The following JAKMIP1 variants were observed in gnomAD, a reference collection of about 807,000 sequenced individuals.
JAKMIP1 encodes janus kinase and microtubule interacting protein 1.
JAKMIP1 carries 33 observed loss-of-function variants against 113.0 expected under a neutral mutation model. The ratio of observed to expected loss-of-function variants is 0.29; its 90% CI spans 0.22 to 0.39. The LOEUF is 0.39. Ranked by LOEUF, JAKMIP1 falls within the 10% of genes least tolerant of loss-of-function variation. JAKMIP1 has a pLI of 1.00. For synonymous variants in JAKMIP1, 480 were observed against 459.9 expected (o/e 1.04, Z -0.56); for missense variants, 813 against 1,080.5 (o/e 0.75, Z 3.47).
At chr4:6,160,986 TCCCTGACCTCCATTC>T (rs1722850510) in intron 1 of JAKMIP1, among the ~76,000 whole-genome samples, 1 of 132,516 alleles carries the variant, frequency 7.5e-6, no homozygotes. Flanking sequence ...TCCACTCACC[TCCCTGACCTCCATTC>T]ATCTGCCCTC....
At chr4:6,046,292 G>A (rs1463241787) in intron 16 of JAKMIP1, among the ~76,000 whole-genome samples, 3 of 152,236 alleles carry the variant, frequency 2.0e-5, no homozygotes, top group Non-Finnish European at 4.4e-5. Context: ...CAAGCTGGGA[G>A]GAGACGAGCG....
At chr4:6,058,266 C>T (rs1716765809) in intron 11 of JAKMIP1, among the ~76,000 whole-genome samples, 1 of 152,226 alleles carries the variant, frequency 6.6e-6, no homozygotes, top group South Asian at 2.1e-4. Flanking sequence ...AAGAATAAAT[C>T]ATAAGTGTTA....
chr4:6,199,565 G>A lies in JAKMIP1; in HGVS notation c.-148+688C>T, dbSNP rs1286129158. On this transcript the variant is annotated intron_variant, in intron 1 of 20. Transcript: ENST00000409021. The surrounding 1 kb of genome is among the most constrained non-coding windows in gnomAD (Gnocchi z 5.6). The stretch of plus-strand genomic sequence containing the variant: ...CCGGAGGCCAGTGCGCCCAGGGCGC[G>A]CCGGCCCGGCAGGAGGGTGGGTGCC... Among the ~76,000 whole-genome samples, 1 of 152,086 alleles carries A rather than the reference G, an allele frequency of 6.6e-6. No individual in the cohort carries two copies. The highest frequency in any genetic ancestry group is 1.5e-5 in the Non-Finnish European group (1 of 67,964).
At chr4:6,110,094 G>A (rs1560202019) in intron 2 of JAKMIP1, among the ~76,000 whole-genome samples, 1 of 152,286 alleles carries the variant, frequency 6.6e-6, no homozygotes, top group East Asian at 1.9e-4. Flanking sequence ...TACTGTGCTG[G>A]CCTCGTGTGT....
Position 6,116,918 on chromosome 4 carries a change from TG to T in JAKMIP1, c.-147-3922del, listed in dbSNP as rs1329719360. On this transcript the variant is annotated intron_variant, in intron 1 of 20. Transcript: ENST00000409021. The surrounding 1 kb of genome is among the most constrained non-coding windows in gnomAD (Gnocchi z 5.1). ...GGGGAGGGCAAACTGCCAGACCACG[TG>T]GGGGTTCTACACCAAGCACAGAGTC... is the stretch of plus-strand genomic sequence containing the variant. Among the ~76,000 whole-genome samples the T allele has an allele frequency of 6.6e-6, 1 of 151,982 alleles. No homozygotes were observed. Among genetic ancestry groups the T allele is most frequent in the Non-Finnish European group, 1.5e-5 (1 of 67,986 alleles).
intron 8 of JAKMIP1, among the ~76,000 whole-genome samples, chr4:6,068,558 C>CT (rs35726105): frequency 0.82 from 111,586 of 136,326 alleles, 47,801 homozygotes; most frequent in East Asian, 0.95. Context: ...AATTTTTTAA[C>CT]TTTTTTTTTT....
chr4:6,173,323 G>A (rs1474180698), intron 1 of JAKMIP1, among the ~76,000 whole-genome samples: 1 of 152,164 alleles, frequency 6.6e-6, no homozygotes, highest in Non-Finnish European at 1.5e-5. Flanking sequence ...AAATTTGAAG[G>A]AAAATTGGTC....
chr4:6,046,929 A>C (rs1486821395), intron 16 of JAKMIP1, among the ~76,000 whole-genome samples: 1 of 152,172 alleles, frequency 6.6e-6, no homozygotes, highest in African/African-American at 2.4e-5. Context: ...CCCAGGACGA[A>C]CCAGCCACCC....
chr4:6,080,640 G>C lies in JAKMIP1; in HGVS notation c.1102-328C>G, dbSNP rs1720372623. Among the ~76,000 whole-genome samples the C allele has an allele frequency of 6.6e-6, 1 of 152,126 alleles. No individual in the cohort carries two copies. Among genetic ancestry groups the C allele is most frequent in the Admixed American group, 6.5e-5 (1 of 15,274 alleles). ...TTTTACTTGGCTCTCAGTCTGTCTT[G>C]TCTGCCGCCAAGTAAGATGTGCCTT... On this transcript the variant is annotated intron_variant, in intron 6 of 20. Coordinates refer to ENST00000409021, the MANE Select transcript of JAKMIP1 (RefSeq NM_001099433.2). The surrounding 1 kb of genome is among the most constrained non-coding windows in gnomAD (Gnocchi z 6.0).
chr4:6,118,777 G>A (rs1305911333), intron 1 of JAKMIP1, among the ~76,000 whole-genome samples: 1 of 152,132 alleles, frequency 6.6e-6, no homozygotes, highest in African/African-American at 2.4e-5. Flanking sequence ...GCCAGCTTCT[G>A]GCCAATGAGG....
chr4:6,134,579 C>T (rs1718966296), intron 1 of JAKMIP1, among the ~76,000 whole-genome samples: 1 of 152,204 alleles, frequency 6.6e-6, no homozygotes, highest in Non-Finnish European at 1.5e-5. Context: ...GTTCCTCAAG[C>T]TTCCCTGTCT....
In JAKMIP1 at chr4:6,093,770, G is replaced by A. The variant is rs1000940959; in HGVS notation, c.625-8141C>T. Among the ~76,000 whole-genome samples, 9 of 152,280 alleles carry A rather than the reference G, an allele frequency of 5.9e-5. No individual in the cohort carries two copies. The highest frequency in any genetic ancestry group is 3.4e-3 in the Middle Eastern group (1 of 294). On this transcript the variant is annotated intron_variant, in intron 3 of 20. Transcript: ENST00000409021. The surrounding 1 kb of genome is among the most constrained non-coding windows in gnomAD (Gnocchi z 4.6). ...GAGGAATGATGCTTACTTGGGAAGA[G>A]GTCACTTTCCTCAAAGAAGGAGCCA... is the stretch of plus-strand genomic sequence containing the variant.
chr4:6,107,603 G>A (rs1410858356), intron 2 of JAKMIP1, among the ~76,000 whole-genome samples: 1 of 152,204 alleles, frequency 6.6e-6, no homozygotes, highest in Non-Finnish European at 1.5e-5. Context: ...AAGGAACTCT[G>A]CCTCCCGGCT....
intron 19 of JAKMIP1, 141 bp downstream of exon 19, chr4:6,035,763 C>A (rs1713337866): frequency 1.3e-5 from 9 of 713,440 alleles, no homozygotes; most frequent in Non-Finnish European, 2.0e-5. Context: ...TCTATGAAAT[C>A]TTGCTTCTTG....
intron 1 of JAKMIP1, among the ~76,000 whole-genome samples, chr4:6,169,603 T>TGTGTGTGTG (rs201784962): frequency 0.019 from 2,657 of 137,348 alleles, 47 homozygotes; most frequent in African/African-American, 0.049. Context: ...CCCTAGGAAA[T>TGTGTGTGTG]TGTGTGTGTG....
At chr4:6,045,645 G>A (rs1352074168) in intron 16 of JAKMIP1, among the ~76,000 whole-genome samples, 1 of 152,222 alleles carries the variant, frequency 6.6e-6, no homozygotes, top group Non-Finnish European at 1.5e-5. Context: ...GGCCAAGGCG[G>A]GTAGATCACT....
In JAKMIP1 at chr4:6,086,391, A is replaced by G. The variant is rs895244480; in HGVS notation, c.625-762T>C. 6.6e-6 allele frequency among the ~76,000 whole-genome samples: 1 copy of G among 150,610 alleles called. No individual in the cohort carries two copies. Among genetic ancestry groups the G allele is most frequent in the African/African-American group, 2.4e-5 (1 of 40,844 alleles). ...CCCTGGCTTCTCTCTGAGCTCCACA[A>G]TCACAGAACCAGCTGGCTGCCTGAC... On this transcript the variant is annotated intron_variant, in intron 3 of 20. Transcript: ENST00000409021. The surrounding 1 kb of genome is among the most constrained non-coding windows in gnomAD (Gnocchi z 4.1).
In JAKMIP1 at chr4:6,187,815, T is replaced by A. The variant is rs932513303; in HGVS notation, c.-148+12438A>T. 1.3e-5 allele frequency among the ~76,000 whole-genome samples: 2 copies of A among 152,278 alleles called. No homozygotes were observed. Among genetic ancestry groups the A allele is most frequent in the African/African-American group, 2.4e-5 (1 of 41,484 alleles). On this transcript the variant is annotated intron_variant, in intron 1 of 20. Coordinates refer to ENST00000409021, the MANE Select transcript of JAKMIP1 (RefSeq NM_001099433.2). The surrounding 1 kb of genome is among the most constrained non-coding windows in gnomAD (Gnocchi z 4.2). ...TCCCTGACAACATCTACCTTTTGAC[T>A]GGCTTATTTAACCTATTCATCTTTA...
At position 6,032,660 on chromosome 4, in the gene JAKMIP1, C is replaced by CACAAAACAAA. The variant is rs10572045; in HGVS notation, c.2380-2889_2380-2880dup. On this transcript the variant is annotated intron_variant, in intron 19 of 20. Coordinates refer to ENST00000409021, the MANE Select transcript of JAKMIP1 (RefSeq NM_001099433.2). Reference sequence around the variant, plus strand: ...GTACACGAATGTTAGAACAACACAACACAAAACAAAACAAAACAAAACAAA... The same window carrying CACAAAACAAA: ...GTACACGAATGTTAGAACAACACAACACAAAACAAAACAAAACAAAACAAAACAAAACAAA... Among the ~76,000 whole-genome samples, 166 of 149,336 alleles carry CACAAAACAAA rather than the reference C, an allele frequency of 1.1e-3. 1 individual carries two copies. The highest frequency in any genetic ancestry group is 7.0e-3 in the Middle Eastern group (2 of 286).
Sources: gnomAD v4.1 joint callset for allele counts (sites outside exome capture counted in the v4.1 genomes callset) on GRCh38, gnomAD v4.1.1 for gene constraint, Gnocchi (gnomAD v3.1) non-coding constraint, MANE v1.5 for transcripts, NCBI Gene and HGNC (gene_info 2026-07-23, HGNC 2026-07-21) for gene names.